Variants in ROBO2 observed in about 807,000 individuals in gnomAD.
The protein encoded by ROBO2 is roundabout homolog 2.
Under a neutral mutation model 160.8 loss-of-function variants are expected in ROBO2, and 53 were observed. The ratio of observed to expected loss-of-function variants is 0.33; its 90% CI spans 0.26 to 0.41. The LOEUF is 0.41. Among genes scored for constraint, ROBO2 ranks in the 10% least tolerant of loss-of-function variants. The pLI is 1.00. For missense variants in ROBO2, 1,577 were observed against 1,722.4 expected (o/e 0.92, Z 1.49); for synonymous variants, 664 against 611.7 (o/e 1.09, Z -1.26).
chr3:76,329,903 C>T (rs765153621), intron 2 of ROBO2, among the ~76,000 whole-genome samples: 8 of 152,244 alleles, frequency 5.3e-5, no homozygotes, highest in Non-Finnish European at 1.0e-4. Flanking sequence ...GATACTTAGT[C>T]GTCTTTGAAC....
chr3:76,485,528 G>C (rs917306645), intron 2 of ROBO2, among the ~76,000 whole-genome samples: 3 of 152,082 alleles, frequency 2.0e-5, no homozygotes. Flanking sequence ...AGGGGTTGGG[G>C]AACTCTGCTA....
chr3:76,732,627 A>G (rs2093653712), intron 2 of ROBO2, among the ~76,000 whole-genome samples: 1 of 152,112 alleles, frequency 6.6e-6, no homozygotes, highest in Admixed American at 6.6e-5. Flanking sequence ...TTGCTACACA[A>G]AGGCACTTAC....
At chr3:76,466,368 C>G (rs2078361831) in intron 2 of ROBO2, among the ~76,000 whole-genome samples, 1 of 151,868 alleles carries the variant, frequency 6.6e-6, no homozygotes, top group Non-Finnish European at 1.5e-5. Context: ...GTCGATCTTA[C>G]TGTGTTTCAT....
chr3:77,168,971 G>A (rs992252164), intron 2 of ROBO2, among the ~76,000 whole-genome samples: 2 of 152,098 alleles, frequency 1.3e-5, no homozygotes, highest in Non-Finnish European at 1.5e-5. Flanking sequence ...TTGTCATTAA[G>A]GAGCAACAGG....
chr3:76,408,542 AT>A (rs1466539602), intron 2 of ROBO2, among the ~76,000 whole-genome samples: 1 of 152,100 alleles, frequency 6.6e-6, no homozygotes, highest in Non-Finnish European at 1.5e-5. Context: ...ACTTAAGCAA[AT>A]CTATTCATTT....
intron 1 of ROBO2, among the ~76,000 whole-genome samples, chr3:77,044,915 C>T (rs992266061): frequency 1.3e-5 from 2 of 152,144 alleles, no homozygotes; most frequent in Non-Finnish European, 2.9e-5. Context: ...GATCTATCAA[C>T]CTAAATCAAT....
chr3:77,391,662 T>C (rs2074747030), intron 2 of ROBO2, among the ~76,000 whole-genome samples: 1 of 152,080 alleles, frequency 6.6e-6, no homozygotes, highest in South Asian at 2.1e-4. Flanking sequence ...AAATAAGATT[T>C]GGGTGGGGAC....
At chr3:77,483,264 A>G (rs2084920359) in intron 4 of ROBO2, among the ~76,000 whole-genome samples, 1 of 151,338 alleles carries the variant, frequency 6.6e-6, no homozygotes, top group Admixed American at 6.6e-5. Context: ...AATCCAAAAG[A>G]AAAACAAAAA....
chr3:77,415,895 C>T (rs1363064134), intron 2 of ROBO2, among the ~76,000 whole-genome samples: 3 of 152,198 alleles, frequency 2.0e-5, no homozygotes, highest in Non-Finnish European at 2.9e-5. Flanking sequence ...CATGTTACAG[C>T]TTGTTCGTTC....
At chr3:77,279,285 C>T (rs769924475) in intron 2 of ROBO2, among the ~76,000 whole-genome samples, 6 of 151,894 alleles carry the variant, frequency 4.0e-5, no homozygotes, top group Non-Finnish European at 7.4e-5. Flanking sequence ...GAGTTTAATA[C>T]AGTGTACCTT....
At chr3:76,654,929 T>TATATATA (rs5850279) in intron 2 of ROBO2, among the ~76,000 whole-genome samples, 8,249 of 140,972 alleles carry the variant, frequency 0.059, 377 homozygotes, top group East Asian at 0.13. Context: ...ATATATATAT[T>TATATATA]TATATATATA....
chr3:76,958,462 T>C (rs1042455673), intron 2 of ROBO2, among the ~76,000 whole-genome samples: 4 of 152,250 alleles, frequency 2.6e-5, no homozygotes, highest in East Asian at 1.9e-4. Flanking sequence ...CCAATTGCAA[T>C]GATGTAACTT....
intron 2 of ROBO2, among the ~76,000 whole-genome samples, chr3:76,003,544 G>A (rs671181): frequency 0.77 from 117,471 of 152,196 alleles, 46,513 homozygotes; most frequent in East Asian, 0.97. Flanking sequence ...GGAAATTTTT[G>A]TAACTTGTAG....
intron 2 of ROBO2, among the ~76,000 whole-genome samples, chr3:75,947,174 G>C (rs1474522278): frequency 6.6e-6 from 1 of 151,998 alleles, no homozygotes; most frequent in Non-Finnish European, 1.5e-5. Context: ...AAGTGACAGA[G>C]GTGTGGGCAG....
chr3:76,879,552 C>T (rs2073131297), intron 2 of ROBO2, among the ~76,000 whole-genome samples: 1 of 151,912 alleles, frequency 6.6e-6, no homozygotes, highest in South Asian at 2.1e-4. Context: ...AGTAAAACTG[C>T]CAACAAGCAG....
At chr3:77,332,469 G>A (rs966740233) in intron 2 of ROBO2, among the ~76,000 whole-genome samples, 4 of 152,084 alleles carry the variant, frequency 2.6e-5, no homozygotes, top group Non-Finnish European at 4.4e-5. Context: ...ACTTGAATCC[G>A]ACCCCATCAA....
At chr3:77,152,911 T>C (rs1182379327) in intron 2 of ROBO2, among the ~76,000 whole-genome samples, 2 of 152,196 alleles carry the variant, frequency 1.3e-5, no homozygotes, top group East Asian at 1.9e-4. Context: ...CTTCTACCCA[T>C]GAGCAATCAC....
chr3:76,798,083 AACAG>A (rs1349657324), intron 2 of ROBO2, among the ~76,000 whole-genome samples: 4 of 150,900 alleles, frequency 2.7e-5, no homozygotes, highest in East Asian at 1.9e-4. Context: ...TGATACCAAA[AACAG>A]ACAAAGACAC....
At chr3:76,116,303 A>G (rs2070468299) in intron 2 of ROBO2, among the ~76,000 whole-genome samples, 1 of 152,126 alleles carries the variant, frequency 6.6e-6, no homozygotes, top group Non-Finnish European at 1.5e-5. Context: ...GTTATTTTCG[A>G]GCTTCAATTA....
Sources: gnomAD v4.1 joint callset for allele counts (sites outside exome capture counted in the v4.1 genomes callset) on GRCh38, gnomAD v4.1.1 for gene constraint, MANE v1.5 for transcripts, NCBI Gene and HGNC (gene_info 2026-07-23, HGNC 2026-07-21) for gene names.